The following HDAC9 variants were observed in gnomAD, a reference collection of about 807,000 sequenced individuals.
HDAC9 encodes the protein histone deacetylase 9.
HDAC9 carries 41 observed loss-of-function variants against 139.4 expected under a neutral mutation model. That is an observed-to-expected ratio of 0.29 (90% confidence interval 0.23 to 0.38). HDAC9 has a LOEUF of 0.38. HDAC9 is among the 10% of genes least tolerant of loss of function. The probability of loss-of-function intolerance (pLI) is 1.00; values close to 1 mark genes in which losing one functional copy is unlikely to be tolerated. For synonymous variants in HDAC9, 517 were observed against 476.2 expected, an observed-to-expected ratio of 1.09 and a Z score of -1.12; for missense variants, 1,147 against 1,297.0, an observed-to-expected ratio of 0.88 and a Z score of 1.78.
chr7:18,700,686 C>A (rs1783406587), intron 12 of HDAC9, among the ~76,000 whole-genome samples: 1 of 152,156 alleles, frequency 6.6e-6, no homozygotes, highest in African/African-American at 2.4e-5. Context: ...TCTGCTAGGT[C>A]TAGGCTGGCC....
At chr7:18,949,085 T>C in intron 23 of HDAC9, 1 of 341,534 alleles carries the variant, frequency 2.9e-6, no homozygotes, top group Non-Finnish European at 5.6e-6. Flanking sequence ...TTTGGGAGGG[T>C]TTTTTTTCTG....
intron 23 of HDAC9, among the ~76,000 whole-genome samples, chr7:18,943,291 TCTAA>T (rs758913659): frequency 3.3e-5 from 5 of 152,126 alleles, no homozygotes; most frequent in East Asian, 3.8e-4. Flanking sequence ...ACTGTGTGGT[TCTAA>T]CTGTTTTCTC....
At chr7:18,166,914 G>GAGTCTT (rs1332758099) in intron 2 of HDAC9, among the ~76,000 whole-genome samples, 2 of 152,148 alleles carry the variant, frequency 1.3e-5, no homozygotes, top group Admixed American at 1.3e-4. Flanking sequence ...AAATGAAACA[G>GAGTCTT]AGTCTTAGGG....
intron 1 of HDAC9, among the ~76,000 whole-genome samples, chr7:18,119,037 T>C (rs1233712117): frequency 6.6e-6 from 1 of 152,212 alleles, no homozygotes; most frequent in Admixed American, 6.5e-5. Flanking sequence ...TTAGACTAAT[T>C]TCCTTAATTA....
At chr7:18,959,888 T>C (rs539424027) in intron 24 of HDAC9, among the ~76,000 whole-genome samples, 183 of 152,150 alleles carry the variant, frequency 1.2e-3, no homozygotes, top group Non-Finnish European at 2.5e-3. Flanking sequence ...GAATGAGGAA[T>C]GGACAGTGCC....
intron 22 of HDAC9, among the ~76,000 whole-genome samples, chr7:18,927,105 A>G (rs1804301329): frequency 6.6e-6 from 1 of 152,172 alleles, no homozygotes; most frequent in South Asian, 2.1e-4. Flanking sequence ...ACCAGATAAT[A>G]TATATCTTTA....
intron 12 of HDAC9, among the ~76,000 whole-genome samples, chr7:18,714,179 G>T (rs1414181817): frequency 6.6e-6 from 1 of 152,156 alleles, no homozygotes; most frequent in Non-Finnish European, 1.5e-5. Flanking sequence ...CAAGGAGTTT[G>T]TTTTTTTCTG....
rs545781799 is a variant in HDAC9, at chr7:18,953,710, G to T, written c.2938-436G>T. 2.6e-5 allele frequency among the ~76,000 whole-genome samples: 4 copies of T among 152,196 alleles called. No homozygotes were observed. In the South Asian group the frequency reaches 8.3e-4, roughly 32 times the overall value. On this transcript the variant is annotated intron_variant, in intron 23 of 25. Transcript: ENST00000686413. ...TATCGTGAAGTGTTCAAATGTATAA[G>T]GTGGTTGGATGTAAAAACACTGTGA... is the stretch of plus-strand genomic sequence containing the variant.
intron 1 of HDAC9, among the ~76,000 whole-genome samples, chr7:18,130,858 G>A (rs886097832): frequency 5.9e-5 from 9 of 151,680 alleles, no homozygotes; most frequent in Admixed American, 5.3e-4. Flanking sequence ...TGCCTTCAGT[G>A]TGCTACCTTG....
intron 25 of HDAC9, among the ~76,000 whole-genome samples, chr7:18,991,758 A>T (rs1046796961): frequency 7.2e-5 from 11 of 152,252 alleles, no homozygotes; most frequent in East Asian, 3.8e-4. Context: ...CTAAAATTCA[A>T]ATCTTTGTCC....
At chr7:18,232,211 C>T (rs748177493) in intron 2 of HDAC9, among the ~76,000 whole-genome samples, 1 of 152,110 alleles carries the variant, frequency 6.6e-6, no homozygotes, top group Non-Finnish European at 1.5e-5. Context: ...GCTGCCTTCC[C>T]TCAATATGTG....
rs141742370 is a variant in HDAC9, at chr7:18,724,492, G to C, written c.1732-3088G>C. Among the ~76,000 whole-genome samples, 76 of 152,262 alleles carry C rather than the reference G, an allele frequency of 5.0e-4. 4 individuals carry two copies. The highest frequency in any genetic ancestry group is 1.3e-3 in the African/African-American group (55 of 41,564). ...AGAATGAGTGGAGCTTGCATAACTG[G>C]AAGTTGCTGTGGGTGAGTCAGCGAC... On this transcript the variant is annotated intron_variant, in intron 12 of 25. Transcript: ENST00000686413.
chr7:18,107,386 A>G (rs1037019085), intron 1 of HDAC9, among the ~76,000 whole-genome samples: 2 of 152,238 alleles, frequency 1.3e-5, no homozygotes, highest in African/African-American at 2.4e-5. Flanking sequence ...CTTTGTGGTC[A>G]AATGTAGGCA....
chr7:18,964,185 G>GACCCAACTT (rs1239641086), intron 24 of HDAC9, among the ~76,000 whole-genome samples: 1 of 152,002 alleles, frequency 6.6e-6, no homozygotes, highest in East Asian at 1.9e-4. Flanking sequence ...TTCTACTCTT[G>GACCCAACTT]ACCCAACTTA....
chr7:18,190,734 C>T (rs993159804), intron 2 of HDAC9, among the ~76,000 whole-genome samples: 5 of 152,040 alleles, frequency 3.3e-5, no homozygotes, highest in Admixed American at 6.6e-5. Flanking sequence ...AATTTTCACT[C>T]TTATTAAGTA....
At chr7:18,107,699 T>C (rs1186748875) in intron 1 of HDAC9, among the ~76,000 whole-genome samples, 1 of 152,212 alleles carries the variant, frequency 6.6e-6, no homozygotes, top group Non-Finnish European at 1.5e-5. Context: ...ATTTTTAAAG[T>C]GTTTTCTGTA....
chr7:18,523,718 G>A (rs752476308), intron 2 of HDAC9, among the ~76,000 whole-genome samples: 1 of 152,198 alleles, frequency 6.6e-6, no homozygotes, highest in Non-Finnish European at 1.5e-5. Flanking sequence ...CAAAAGGTAG[G>A]GCAGAGAAAG....
chr7:18,473,599 T>G (rs1283746392), intron 1 of HDAC9, among the ~76,000 whole-genome samples: 1 of 152,256 alleles, frequency 6.6e-6, no homozygotes, highest in Non-Finnish European at 1.5e-5. Flanking sequence ...GAAGAGATTA[T>G]TTTGGAAATT....
intron 13 of HDAC9, among the ~76,000 whole-genome samples, chr7:18,739,044 G>T (rs1369037115): frequency 6.6e-6 from 1 of 151,936 alleles, no homozygotes; most frequent in Non-Finnish European, 1.5e-5. Context: ...TCTTCCACTT[G>T]ATCAAATCAG....
Sources: gnomAD v4.1 joint callset for allele counts (sites outside exome capture counted in the v4.1 genomes callset) on GRCh38, gnomAD v4.1.1 for gene constraint, MANE v1.5 for transcripts, NCBI Gene and HGNC (gene_info 2026-07-23, HGNC 2026-07-21) for gene names.